The following AK5 variants were observed in gnomAD, a reference collection of about 807,000 sequenced individuals.
AK5 encodes adenylate kinase isoenzyme 5.
Under a neutral mutation model 69.5 loss-of-function variants are expected in AK5, and 27 were observed. The ratio of observed to expected loss-of-function variants is 0.39; its 90% confidence interval spans 0.29 to 0.54. The LOEUF (loss-of-function observed/expected upper bound fraction) is 0.54, where lower values mean the gene tolerates loss of function less well. Ranked by LOEUF, AK5 falls within the 20% of genes least tolerant of loss-of-function variation. AK5 has a pLI of 0.71. For synonymous variants in AK5, 260 were observed against 244.4 expected (o/e 1.06, Z -0.60); for missense variants, 531 against 700.4 (o/e 0.76, Z 2.73).
In AK5 at chr1:77,314,153, T is replaced by C. The variant is rs956557351; in HGVS notation, c.699+16206T>C. The stretch of plus-strand genomic sequence containing the variant: ...TCTTATGATATGAATTGAAGAGTCG[T>C]TCTAATTTTATATGTGAGGAGATGG... On this transcript the variant is annotated intron_variant, in intron 5 of 13. Coordinates refer to ENST00000354567, the MANE Select transcript of AK5 (RefSeq NM_174858.3). The C allele has an allele frequency of 1.6e-5, 5 of 304,662 alleles. 1 individual carries two copies. In the East Asian group the frequency reaches 4.5e-4, roughly 27 times the overall value. 18.9% of individuals were successfully genotyped at this position (304,662 alleles called of 1,614,324 possible).
At chr1:77,544,790 G>C (rs973480509) in intron 13 of AK5, among the ~76,000 whole-genome samples, 4 of 152,016 alleles carry the variant, frequency 2.6e-5, no homozygotes, top group African/African-American at 9.7e-5. Context: ...TTAACAAGTA[G>C]AAAAAATGCA....
In AK5 at chr1:77,454,500, T is replaced by C. The variant is rs148550876; in HGVS notation, c.1060-28817T>C. On this transcript the variant is annotated intron_variant, in intron 8 of 13. Transcript: ENST00000354567. ...TATTTTAATTATTTGTATTTTCATC[T>C]GCTTTATTTACTCTGAAAATGATTG... Among the ~76,000 whole-genome samples the C allele has an allele frequency of 2.0e-5, 3 of 152,380 alleles. No homozygotes were observed. The East Asian group carries it at 5.8e-4, about 29-fold the overall frequency.
chr1:77,340,406 G>C lies in AK5; in HGVS notation c.729G>C (p.Leu243=). Residue 243 remains leucine (L), a synonymous_variant, in exon 6 of 14, where the codon CTG becomes CTC. Coordinates refer to ENST00000354567, the MANE Select transcript of AK5 (RefSeq NM_174858.3). Reference sequence around the variant, plus strand: ...GTACCCCCGATTTGGTGGTATTCCTGGCTTGTGCTAATCAGAGACTCAAAG... The same window carrying C: ...GTACCCCCGATTTGGTGGTATTCCTCGCTTGTGCTAATCAGAGACTCAAAG... ...QICTPDLVVF[L]ACANQRLKER... is the part of the protein sequence containing the mutation. 6.2e-7 allele frequency: 1 copy of C among 1,613,964 alleles called. No homozygotes were observed. The highest frequency in any genetic ancestry group is 8.5e-7 in the Non-Finnish European group (1 of 1,179,912).
intron 6 of AK5, among the ~76,000 whole-genome samples, chr1:77,344,740 CT>C (rs979779721): frequency 6.6e-6 from 1 of 151,076 alleles, no homozygotes; most frequent in African/African-American, 2.4e-5. Context: ...CACTTTTTTT[CT>C]TTTTTTTAAT....
At chr1:77,499,425 A>G (rs1168345312) in intron 10 of AK5, among the ~76,000 whole-genome samples, 1 of 152,180 alleles carries the variant, frequency 6.6e-6, no homozygotes, top group African/African-American at 2.4e-5. Flanking sequence ...GCTGCAGGGA[A>G]TCCCTTCAAC....
At position 77,297,944 on chromosome 1, in the gene AK5, C is replaced by T; in HGVS notation, c.696C>T (p.Asp232=). 1 of 1,601,966 alleles carries T rather than the reference C, an allele frequency of 6.2e-7. No individual in the cohort carries two copies. The highest frequency in any genetic ancestry group is 8.5e-7 in the Non-Finnish European group (1 of 1,173,800). The part of the protein sequence containing the change: ...RDVAQALSFE[D]QICTPDLVVF... ...TTGCCCAGGCTCTATCTTTTGAGGA[C>T]CAAGTAAGAATATCTCCTTATATTT... Residue 232 remains aspartate (D), a synonymous_variant, in exon 5 of 14, where the codon GAC becomes GAT. Transcript: ENST00000354567.
intron 10 of AK5, among the ~76,000 whole-genome samples, chr1:77,486,553 C>T (rs1313013132): frequency 1.3e-5 from 2 of 151,956 alleles, no homozygotes; most frequent in Non-Finnish European, 2.9e-5. Flanking sequence ...AAAAAATTAG[C>T]CGGGCATGGT....
chr1:77,343,787 A>G (rs1488167031), intron 6 of AK5, among the ~76,000 whole-genome samples: 2 of 152,192 alleles, frequency 1.3e-5, no homozygotes, highest in Non-Finnish European at 2.9e-5. Flanking sequence ...TACAGTTTTT[A>G]TATTTCTTTG....
In AK5 at chr1:77,368,253, A is replaced by ATGTT. The variant is rs1553140304; in HGVS notation, c.891+27685_891+27686insTGTT. Among the ~76,000 whole-genome samples the ATGTT allele has an allele frequency of 2.5e-3, 98 of 38,610 alleles. 1 individual carries two copies. Among genetic ancestry groups the ATGTT allele is most frequent in the African/African-American group, 4.8e-3 (89 of 18,400 alleles). 25.3% of individuals were successfully genotyped at this position (38,610 alleles called of 152,430 possible). On this transcript the variant is annotated intron_variant, in intron 6 of 13. Coordinates refer to ENST00000354567, the MANE Select transcript of AK5 (RefSeq NM_174858.3). ...TATATATATATATATATATATATAT[A>ATGTT]ATATATATGTTATATATATGTTATA...
chr1:77,480,019 C>T (rs1655163079), intron 8 of AK5, among the ~76,000 whole-genome samples: 1 of 152,180 alleles, frequency 6.6e-6, no homozygotes, highest in African/African-American at 2.4e-5. Context: ...GCCTTTCATG[C>T]AGAACACACC....
chr1:77,479,540 AG>A (rs1185375873), intron 8 of AK5, among the ~76,000 whole-genome samples: 2 of 152,130 alleles, frequency 1.3e-5, no homozygotes, highest in African/African-American at 2.4e-5. Flanking sequence ...GGTTTGCTGC[AG>A]CTTCTCCCAC....
intron 6 of AK5, among the ~76,000 whole-genome samples, chr1:77,367,569 A>AATATATATGT (rs1646979585): frequency 4.1e-4 from 13 of 31,626 alleles, no homozygotes; most frequent in Admixed American, 5.5e-4. Context: ...ATATATATAT[A>AATATATATGT]TATATATATA....
intron 5 of AK5, among the ~76,000 whole-genome samples, chr1:77,299,484 C>T (rs1376336012): frequency 6.6e-6 from 1 of 151,964 alleles, no homozygotes; most frequent in Admixed American, 6.6e-5. Context: ...TTTGAATGTT[C>T]CCATTAACGG....
At chr1:77,521,734 C>T (rs1657995812) in intron 11 of AK5, 93 bp from the exon 12 acceptor site, 1 of 880,758 alleles carries the variant, frequency 1.1e-6, no homozygotes, top group East Asian at 2.5e-5. Flanking sequence ...CTGAACCTTC[C>T]TCCCTCCCTC....
At chr1:77,331,354 T>A (rs1378476208) in intron 5 of AK5, among the ~76,000 whole-genome samples, 2 of 152,168 alleles carry the variant, frequency 1.3e-5, no homozygotes, top group African/African-American at 4.8e-5. Flanking sequence ...CTATTCATTT[T>A]GTATATTTGT....
At chr1:77,379,007 A>G (rs995050316) in intron 6 of AK5, among the ~76,000 whole-genome samples, 5 of 152,210 alleles carry the variant, frequency 3.3e-5, no homozygotes, top group African/African-American at 1.2e-4. Context: ...AAGAGACAAC[A>G]TGCTGGGTTG....
intron 7 of AK5, among the ~76,000 whole-genome samples, chr1:77,414,684 A>G (rs12022440): frequency 0.35 from 53,357 of 152,100 alleles, 11,733 homozygotes; most frequent in Non-Finnish European, 0.5. Context: ...TAAATCTGGA[A>G]AGAAATTGAA....
chr1:77,477,318 A>C (rs749239573), intron 8 of AK5, among the ~76,000 whole-genome samples: 4 of 152,134 alleles, frequency 2.6e-5, no homozygotes, highest in African/African-American at 4.8e-5. Context: ...ATGAGCCACC[A>C]CATCTGGCCT....
intron 13 of AK5, among the ~76,000 whole-genome samples, chr1:77,543,953 A>G (rs188549230): frequency 1.8e-4 from 28 of 152,238 alleles, no homozygotes; most frequent in Non-Finnish European, 3.7e-4. Context: ...ACACACAGTC[A>G]TGCATCATTT....
Sources: allele counts gnomAD v4.1 joint callset (sites outside exome capture counted in the v4.1 genomes callset), GRCh38; gene constraint gnomAD v4.1.1; transcripts MANE v1.5; gene names NCBI Gene and HGNC (gene_info 2026-07-23, HGNC 2026-07-21).